Variants in TBC1D19 observed in about 807,000 individuals in gnomAD.
TBC1D19 encodes TBC1 domain family member 19.
In TBC1D19, 60 loss-of-function variants were observed where a neutral mutation model predicts 89.0. That is an observed-to-expected ratio of 0.67 (90% confidence interval 0.55 to 0.84). The LOEUF (loss-of-function observed/expected upper bound fraction) is 0.84, where lower values mean the gene tolerates loss of function less well. Among genes scored for constraint, TBC1D19 ranks in the 40% least tolerant of loss-of-function variants. The pLI, the probability that TBC1D19 is intolerant of heterozygous loss-of-function variation, is 0.00. For missense variants in TBC1D19, 500 were observed against 610.8 expected, an observed-to-expected ratio of 0.82 and a Z score of 1.91; for synonymous variants, 189 against 199.7, an observed-to-expected ratio of 0.95 and a Z score of 0.45.
chr4:26,799,406 A>C, the TBC1D19 span, among the ~76,000 whole-genome samples: 1 of 152,190 alleles, frequency 6.6e-6, no homozygotes, highest in African/African-American at 2.4e-5. Context: ...AAGGTTGGAA[A>C]CTCAGAAGCT....
intron 1 of TBC1D19, among the ~76,000 whole-genome samples, chr4:26,578,606 A>G (rs1182018322): frequency 6.6e-6 from 1 of 152,052 alleles, no homozygotes; most frequent in Non-Finnish European, 1.5e-5. Flanking sequence ...AGCACGTGCA[A>G]TTATGTATGT....
At chr4:26,735,124 G>A (rs1252280167) in intron 15 of TBC1D19, among the ~76,000 whole-genome samples, 1 of 150,210 alleles carries the variant, frequency 6.7e-6, no homozygotes, top group Non-Finnish European at 1.5e-5. Flanking sequence ...ATACACATGT[G>A]TGTGTATATT....
intron 13 of TBC1D19, among the ~76,000 whole-genome samples, chr4:26,695,283 G>A (rs1434726254): frequency 2.0e-5 from 3 of 152,186 alleles, no homozygotes; most frequent in Non-Finnish European, 4.4e-5. Context: ...TGAGTGAAAT[G>A]AAGCGAGAAG....
the TBC1D19 span, among the ~76,000 whole-genome samples, chr4:26,783,522 GA>G: frequency 6.6e-6 from 1 of 151,948 alleles, no homozygotes; most frequent in African/African-American, 2.4e-5. Context: ...AGAATAATCA[GA>G]ACAATTTGGA....
chr4:26,838,877 C>G, the TBC1D19 span, among the ~76,000 whole-genome samples: 20 of 152,172 alleles, frequency 1.3e-4, no homozygotes, highest in African/African-American at 4.8e-4. Context: ...TCATAAAATG[C>G]AGAGCCTGTT....
chr4:26,769,374 T>A, the TBC1D19 span, among the ~76,000 whole-genome samples: 1 of 151,946 alleles, frequency 6.6e-6, no homozygotes, highest in Non-Finnish European at 1.5e-5. Flanking sequence ...CTAGAAATAA[T>A]AACCATGTGG....
the TBC1D19 span, among the ~76,000 whole-genome samples, chr4:26,799,211 A>G: frequency 6.6e-6 from 1 of 152,146 alleles, no homozygotes; most frequent in East Asian, 1.9e-4. Flanking sequence ...TGGGTGTGGT[A>G]TTGGGGCCTA....
At chr4:26,846,622 ATAATT>A in the TBC1D19 span, among the ~76,000 whole-genome samples, 1 of 152,182 alleles carries the variant, frequency 6.6e-6, no homozygotes, top group Non-Finnish European at 1.5e-5. Flanking sequence ...TGTAAATTAT[ATAATT>A]TATTTTAAGC....
chr4:26,662,817 G>A (rs1745299455), intron 8 of TBC1D19: 1 of 152,138 alleles, frequency 6.6e-6, no homozygotes, highest in African/African-American at 2.4e-5. Context: ...TTAAGGAGGA[G>A]TAAACATTTT....
intron 15 of TBC1D19, among the ~76,000 whole-genome samples, chr4:26,728,722 C>T (rs1008007020): frequency 6.6e-6 from 1 of 152,184 alleles, no homozygotes; most frequent in Non-Finnish European, 1.5e-5. Context: ...TGTTAAAGAG[C>T]CTTACTATTG....
At chr4:26,647,879 C>G (rs1247151814) in intron 7 of TBC1D19, among the ~76,000 whole-genome samples, 1 of 151,972 alleles carries the variant, frequency 6.6e-6, no homozygotes, top group African/African-American at 2.4e-5. Context: ...GCTTGGAACT[C>G]CTTATACCCT....
chr4:26,784,494 A>G, the TBC1D19 span, among the ~76,000 whole-genome samples: 1 of 152,202 alleles, frequency 6.6e-6, no homozygotes, highest in Non-Finnish European at 1.5e-5. Flanking sequence ...ATCTTAGGCT[A>G]TGGCTAGCCT....
intron 7 of TBC1D19, among the ~76,000 whole-genome samples, chr4:26,640,953 C>T (rs1015736120): frequency 1.3e-5 from 2 of 152,230 alleles, no homozygotes; most frequent in African/African-American, 4.8e-5. Flanking sequence ...CCTCTGTAGA[C>T]TCCATCTCTG....
chr4:26,659,705 T>C lies in TBC1D19; in HGVS notation c.589T>C (p.Leu197=). Reference sequence around the variant, plus strand: ...ACTGAAAGTAAAAGACATCCCTGAATTGGTAAGTATAGAAACTTAAAAATA... The same window carrying C: ...ACTGAAAGTAAAAGACATCCCTGAACTGGTAAGTATAGAAACTTAAAAATA... ...VPLKVKDIPE[L]KECFVELGLN... is the part of the protein sequence containing the mutation. The change falls in exon 8 of 21, where the codon TTG becomes CTG. Residue 197 remains leucine (L), a splice_region_variant and synonymous_variant. Transcript: ENST00000264866. 1 of 1,560,624 alleles carries C rather than the reference T, an allele frequency of 6.4e-7. No homozygotes were observed. Among genetic ancestry groups the C allele is most frequent in the Non-Finnish European group, 8.8e-7 (1 of 1,141,466 alleles).
downstream of TBC1D19, among the ~76,000 whole-genome samples, chr4:26,760,860 A>G (rs781196608): frequency 6.6e-6 from 1 of 152,126 alleles, no homozygotes; most frequent in African/African-American, 2.4e-5. Flanking sequence ...AGATTAACTC[A>G]TACATTTAGG....
chr4:26,800,876 T>G, the TBC1D19 span, among the ~76,000 whole-genome samples: 1 of 152,258 alleles, frequency 6.6e-6, no homozygotes, highest in Admixed American at 6.5e-5. Flanking sequence ...CTTGTAAATT[T>G]GTTTGAGTTC....
At chr4:26,646,813 C>T (rs1744000533) in intron 7 of TBC1D19, among the ~76,000 whole-genome samples, 1 of 152,086 alleles carries the variant, frequency 6.6e-6, no homozygotes, top group Admixed American at 6.5e-5. Flanking sequence ...GGAGGGATAG[C>T]ATTAGGAGAA....
intron 4 of TBC1D19, among the ~76,000 whole-genome samples, chr4:26,636,704 T>C (rs566047905): frequency 6.6e-6 from 1 of 152,170 alleles, no homozygotes; most frequent in South Asian, 2.1e-4. Flanking sequence ...ATGATAATGA[T>C]ATTGTGATAT....
intron 7 of TBC1D19, among the ~76,000 whole-genome samples, chr4:26,654,516 A>C (rs1296024929): frequency 1.3e-5 from 2 of 152,210 alleles, no homozygotes; most frequent in Non-Finnish European, 2.9e-5. Context: ...TACACCAGTC[A>C]GACACAGATT....
Sources: allele counts gnomAD v4.1 joint callset (sites outside exome capture counted in the v4.1 genomes callset), GRCh38; gene constraint gnomAD v4.1.1; transcripts MANE v1.5; gene names NCBI Gene and HGNC (gene_info 2026-07-23, HGNC 2026-07-21).